Variants in TRIM36 observed in about 807,000 individuals in gnomAD.
TRIM36 encodes the protein tripartite motif containing 36.
Under a neutral mutation model 72.4 loss-of-function variants are expected in TRIM36, and 42 were observed. That is an observed-to-expected ratio of 0.58 (90% CI 0.45 to 0.75). The LOEUF is 0.75. Ranked by LOEUF, TRIM36 falls within the 30% of genes least tolerant of loss-of-function variation. The probability of loss-of-function intolerance (pLI) is 0.00; values close to 1 mark genes in which losing one functional copy is unlikely to be tolerated. For missense variants in TRIM36, 913 were observed against 857.1 expected (o/e 1.07, Z -0.81); for synonymous variants, 315 against 282.8 (o/e 1.11, Z -1.14).
chr5:115,132,590 C>T (rs1451506738), intron 8 of TRIM36, among the ~76,000 whole-genome samples: 6 of 151,266 alleles, frequency 4.0e-5, no homozygotes, highest in South Asian at 2.1e-4. Flanking sequence ...AAACTACAGC[C>T]ATTACCCACG....
intron 1 of TRIM36, among the ~76,000 whole-genome samples, chr5:115,166,287 C>G (rs1754770209): frequency 6.6e-6 from 1 of 152,194 alleles, no homozygotes; most frequent in Admixed American, 6.5e-5. Context: ...TTCCTCCCCT[C>G]TGAAGCCCAT....
chr5:115,161,679 G>A (rs548360309), intron 2 of TRIM36, among the ~76,000 whole-genome samples: 1 of 152,264 alleles, frequency 6.6e-6, no homozygotes, highest in South Asian at 2.1e-4. Context: ...CCTTTAACAA[G>A]GCATCCGTTT....
At position 115,169,893 on chromosome 5, in the gene TRIM36, G is replaced by C. The variant is rs749253713; in HGVS notation, c.-259C>G. On this transcript the variant is annotated 5_prime_UTR_variant, in exon 1 of 10. Transcript: ENST00000513154. ...CCGCCCAGCTGCCGGCTGCAGCAGC[G>C]GCTCCTGCGGACTGCGGCTGGGAAC... is the stretch of plus-strand genomic sequence containing the variant. 7.1e-5 allele frequency: 92 copies of C among 1,298,846 alleles called. No homozygotes were observed. The highest frequency in any genetic ancestry group is 8.0e-5 in the Non-Finnish European group (82 of 1,022,888). 80.5% of individuals were successfully genotyped at this position (1,298,846 alleles called of 1,614,324 possible). A position where few individuals can be genotyped will look rare whatever the true frequency, so the allele number is the denominator to read the frequency against.
intron 8 of TRIM36, 136 bp from the exon 9 acceptor site, chr5:115,131,025 T>A: frequency 1.0e-6 from 1 of 955,904 alleles, no homozygotes; most frequent in Non-Finnish European, 1.5e-6. Flanking sequence ...CCCGGACAAC[T>A]ATGACAAACC....
At chr5:115,144,569 C>G (rs1303848695) in intron 4 of TRIM36, 29 bp downstream of exon 4, 4 of 1,611,678 alleles carry the variant, frequency 2.5e-6, no homozygotes, top group Non-Finnish European at 3.4e-6. Flanking sequence ...TACGAAGAAT[C>G]AAAATTCTGT....
At chr5:115,153,125 C>T (rs1753983266) in intron 2 of TRIM36, among the ~76,000 whole-genome samples, 2 of 152,168 alleles carry the variant, frequency 1.3e-5, no homozygotes, top group African/African-American at 4.8e-5. Context: ...AACCAACTAT[C>T]TGCTGCCTTC....
At chr5:115,151,918 C>T (rs148231085) in intron 2 of TRIM36, among the ~76,000 whole-genome samples, 3 of 152,148 alleles carry the variant, frequency 2.0e-5, no homozygotes, top group African/African-American at 4.8e-5. Context: ...CAGAGCCTAC[C>T]GAAATGGGAA....
At chr5:115,132,822 A>C (rs994698746) in intron 8 of TRIM36, among the ~76,000 whole-genome samples, 9 of 152,162 alleles carry the variant, frequency 5.9e-5, no homozygotes, top group African/African-American at 1.9e-4. Context: ...TTTTTCTTCC[A>C]CTTTCAGGCA....
chr5:115,171,900 ACTAT>A (rs1341082681), upstream of TRIM36, among the ~76,000 whole-genome samples: 1 of 152,236 alleles, frequency 6.6e-6, no homozygotes, highest in Non-Finnish European at 1.5e-5. Flanking sequence ...TGTGTGAGCA[ACTAT>A]CTATTCATCC....
chr5:115,180,122 G>A (rs1174528778), exon 1 of TRIM36: 1 of 1,351,094 alleles, frequency 7.4e-7, no homozygotes, highest in Non-Finnish European at 1.0e-6. Flanking sequence ...TTTTTAGTCT[G>A]AGTTTTGCCG....
chr5:115,145,142 A>G (rs1161243036), intron 3 of TRIM36, among the ~76,000 whole-genome samples: 2 of 152,244 alleles, frequency 1.3e-5, no homozygotes, highest in Non-Finnish European at 2.9e-5. Flanking sequence ...ATCAAAGTCA[A>G]TATTTTTAAT....
At chr5:115,148,449 T>C (rs111370574) in intron 2 of TRIM36, 27,695 of 675,198 alleles carry the variant, frequency 0.041, 735 homozygotes, top group East Asian at 0.08. Flanking sequence ...AGATGGAGTC[T>C]CACTCTGTCA....
exon 1 of TRIM36, chr5:115,180,067 C>G (rs1369526032): frequency 6.2e-7 from 1 of 1,603,642 alleles, no homozygotes; most frequent in East Asian, 2.3e-5. Flanking sequence ...CTCTGGAGGA[C>G]CGACGCGGGT....
intron 1 of TRIM36, among the ~76,000 whole-genome samples, chr5:115,169,374 C>G (rs1458162050): frequency 6.6e-6 from 1 of 152,250 alleles, no homozygotes; most frequent in African/African-American, 2.4e-5. Flanking sequence ...CGGATTTGCG[C>G]TCTTCTCCGG....
chr5:115,130,553 T>A, intron 9 of TRIM36, 39 bp downstream of exon 9: 1 of 1,558,268 alleles, frequency 6.4e-7, no homozygotes, highest in Non-Finnish European at 8.7e-7. Flanking sequence ...GGCTTACTTT[T>A]AAAAAATTAT....
chr5:115,130,714 T>C lies in TRIM36; in HGVS notation c.1674A>G (p.Thr558=). 1 of 1,614,170 alleles carries C rather than the reference T, an allele frequency of 6.2e-7. No homozygotes were observed. The highest frequency in any genetic ancestry group is 8.5e-7 in the Non-Finnish European group (1 of 1,180,026). ...GGAAGGCCCAGAAGTGTTTTCCTTT[T>C]GTAATGCCAGTATCTCCAATGATGT... ...LDYIIGDTGI[T]KGKHFWAFRV... is the part of the protein sequence containing the mutation. Residue 558 remains threonine, a synonymous_variant, in exon 9 of 10, where the codon ACA becomes ACG. Coordinates refer to ENST00000513154, the MANE Select transcript of TRIM36 (RefSeq NM_001300759.2).
At chr5:115,127,249 C>A (rs890178630) in intron 9 of TRIM36, among the ~76,000 whole-genome samples, 1 of 152,146 alleles carries the variant, frequency 6.6e-6, no homozygotes, top group Non-Finnish European at 1.5e-5. Flanking sequence ...ACAGTGGTCC[C>A]GTAAGACTAT....
At chr5:115,165,494 A>T (rs556377484) in intron 1 of TRIM36, among the ~76,000 whole-genome samples, 2 of 152,274 alleles carry the variant, frequency 1.3e-5, no homozygotes, top group South Asian at 4.1e-4. Flanking sequence ...GCACCCTCTG[A>T]GGCAATGGTC....
chr5:115,126,326 G>T lies in TRIM36; in HGVS notation c.*177C>A. On this transcript the variant is annotated 3_prime_UTR_variant, in exon 10 of 10. Coordinates refer to ENST00000513154, the MANE Select transcript of TRIM36 (RefSeq NM_001300759.2). Reference sequence around the variant, plus strand: ...TCTTCACTTTCATCATTTGTGAAAGGCAGAACAACGACATGAAGACACAAG... The same window carrying T: ...TCTTCACTTTCATCATTTGTGAAAGTCAGAACAACGACATGAAGACACAAG... 1.8e-6 allele frequency: 1 copy of T among 565,824 alleles called. No individual in the cohort carries two copies. The highest frequency in any genetic ancestry group is 3.1e-6 in the Non-Finnish European group (1 of 325,234). The allele number at this position is 565,824 out of a possible 1,614,324, so 35.1% of individuals were successfully genotyped here.
Sources: gnomAD v4.1 joint callset for allele counts (sites outside exome capture counted in the v4.1 genomes callset) on GRCh38, gnomAD v4.1.1 for gene constraint, MANE v1.5 for transcripts, NCBI Gene and HGNC (gene_info 2026-07-23, HGNC 2026-07-21) for gene names.